Variants in ATRX observed in about 807,000 individuals in gnomAD.
ATRX encodes the protein ATRX chromatin remodeler, also known as chromatin remodeler ATRX.
A neutral mutation model predicts 172.6 loss-of-function variants in ATRX; 12 were observed. That is an observed-to-expected ratio of 0.07 (90% CI 0.04 to 0.11). The LOEUF is 0.11. Among genes scored for constraint, ATRX ranks in the 10% least tolerant of loss-of-function variants. ATRX has a pLI of 1.00. For synonymous variants in ATRX, 674 were observed against 594.7 expected (o/e 1.13, Z -1.94); for missense variants, 1,368 against 1,767.4 (o/e 0.77, Z 4.05).
chrX:77,508,650 T>C (rs2062765194), intron 34 of ATRX, 21 bp from the exon 35 acceptor site: 1 of 1,208,901 alleles, frequency 8.3e-7, no homozygotes, highest in Non-Finnish European at 1.1e-6. Context: ...AAAATGGGAG[T>C]CATTACAAGT....
chrX:77,705,545 G>T (rs1019449997), intron 2 of ATRX, among the ~76,000 whole-genome samples: 1 of 112,266 alleles, frequency 8.9e-6, no homozygotes, highest in African/African-American at 3.2e-5. Flanking sequence ...CAGAATCCCA[G>T]CTGACTTCTT....
intron 19 of ATRX, among the ~76,000 whole-genome samples, chrX:77,626,342 C>T (rs2148303277): frequency 9.3e-6 from 1 of 107,871 alleles, no homozygotes; most frequent in South Asian, 4.2e-4. Flanking sequence ...GCATATACTG[C>T]TCGGGTGATG....
intron 2 of ATRX, among the ~76,000 whole-genome samples, chrX:77,703,638 C>A (rs782109703): frequency 8.9e-6 from 1 of 112,418 alleles, no homozygotes; most frequent in African/African-American, 3.2e-5. Context: ...TCTTCACCTG[C>A]AACAAGGTGA....
At chrX:77,705,634 G>C (rs2072774224) in intron 2 of ATRX, among the ~76,000 whole-genome samples, 1 of 112,406 alleles carries the variant, frequency 8.9e-6, no homozygotes, top group Admixed American at 9.4e-5. Flanking sequence ...AGCACTTTGG[G>C]AGGCCAAGGT....
chrX:77,518,846 T>C (rs2063137232), intron 34 of ATRX, among the ~76,000 whole-genome samples: 1 of 110,956 alleles, frequency 9.0e-6, no homozygotes, highest in East Asian at 2.8e-4. Context: ...CAGAAACAAA[T>C]CCACACACCA....
chrX:77,734,935 A>T (rs988811114), intron 1 of ATRX, among the ~76,000 whole-genome samples: 1 of 107,663 alleles, frequency 9.3e-6, no homozygotes, highest in African/African-American at 3.4e-5. Flanking sequence ...ACATGGTGAA[A>T]CCCCATCTCT....
intron 1 of ATRX, among the ~76,000 whole-genome samples, chrX:77,755,095 A>G (rs1019950660): frequency 9.8e-5 from 11 of 112,198 alleles, no homozygotes; most frequent in African/African-American, 3.6e-4. Context: ...CATCTTCAAT[A>G]TCTGATATCC....
rs2148568770 is a variant in ATRX at position 77,681,642 on chromosome X, G to A, written c.3614C>T (p.Ser1205Phe). ...CTGATCATCATCTTCTATATCAGAA[G>A]AAGATGAGGATGTAATGTCAGCTTG... ...RKQADITSSS[S>F]SDIEDDDQNS... Residue 1205 changes from serine (S) to phenylalanine (F), a missense_variant, in exon 9 of 35, where the codon TCT (serine) becomes TTT (phenylalanine). Ser to Phe is a radical substitution (Grantham distance 155, BLOSUM62 -2). This residue lies in a region of ATRX where 843 missense variants were observed against 643.1 expected (regional missense o/e 1.31). Coordinates refer to ENST00000373344, the MANE Select transcript of ATRX (RefSeq NM_000489.6). 1.7e-6 allele frequency: 2 copies of A among 1,207,944 alleles called. No individual in the cohort carries two copies. The highest frequency in any genetic ancestry group is 2.2e-6 in the Non-Finnish European group (2 of 894,242).
At chrX:77,559,618 G>C (rs2147955781) in intron 28 of ATRX, among the ~76,000 whole-genome samples, 1 of 108,063 alleles carries the variant, frequency 9.3e-6, no homozygotes, top group South Asian at 4.1e-4. Flanking sequence ...CACCATGCCT[G>C]GTTAATTTTT....
intron 28 of ATRX, among the ~76,000 whole-genome samples, chrX:77,562,050 G>C (rs782474240): frequency 3.9e-4 from 44 of 111,734 alleles, no homozygotes; most frequent in Non-Finnish European, 7.9e-4. Context: ...CCTAAACCCT[G>C]TCAACTACAG....
At chrX:77,753,693 T>G (rs1382701043) in intron 1 of ATRX, among the ~76,000 whole-genome samples, 4 of 112,085 alleles carry the variant, frequency 3.6e-5, no homozygotes, top group Non-Finnish European at 7.5e-5. Context: ...AAAGAACTTC[T>G]TTATTTCTGC....
At chrX:77,513,185 C>T (rs782387027) in intron 34 of ATRX, among the ~76,000 whole-genome samples, 32 of 108,170 alleles carry the variant, frequency 3.0e-4, no homozygotes, top group Non-Finnish European at 5.6e-4. Flanking sequence ...GGCGTGGTGG[C>T]GGGCACCTGT....
intron 19 of ATRX, among the ~76,000 whole-genome samples, chrX:77,629,302 T>A (rs1244156280): frequency 2.7e-5 from 3 of 112,582 alleles, no homozygotes; most frequent in African/African-American, 9.7e-5. Context: ...ATGGAAAACA[T>A]GTACTGGAAA....
At chrX:77,785,369 C>A (rs1415839280) in intron 1 of ATRX, among the ~76,000 whole-genome samples, 1 of 110,101 alleles carries the variant, frequency 9.1e-6, no homozygotes, top group Non-Finnish European at 1.9e-5. Flanking sequence ...TAGAAATAAA[C>A]CCAAGGATAT....
chrX:77,518,728 G>T (rs2063133086), intron 34 of ATRX, among the ~76,000 whole-genome samples: 2 of 111,449 alleles, frequency 1.8e-5, no homozygotes, highest in Non-Finnish European at 3.8e-5. Context: ...AAAACTGGAG[G>T]AATCACATTA....
chrX:77,523,147 C>T, intron 31 of ATRX, 105 bp downstream of exon 31: 1 of 1,047,397 alleles, frequency 9.5e-7, no homozygotes, highest in South Asian at 1.9e-5. Flanking sequence ...GTTCCTAAAA[C>T]CCACTATATT....
At chrX:77,518,104 TG>T (rs1443906543) in intron 34 of ATRX, among the ~76,000 whole-genome samples, 1 of 112,039 alleles carries the variant, frequency 8.9e-6, no homozygotes, top group Non-Finnish European at 1.9e-5. Context: ...TTCTAAAAAT[TG>T]GAACACAACA....
At position 77,612,219 on chromosome X, in the gene ATRX, G is replaced by T. The variant is rs781870226; in HGVS notation, c.5566+4394C>A. 2.7e-5 allele frequency among the ~76,000 whole-genome samples: 3 copies of T among 111,065 alleles called. No individual in the cohort carries two copies. The East Asian group carries it at 8.5e-4, about 31-fold the overall frequency. On this transcript the variant is annotated intron_variant, in intron 22 of 34. Transcript: ENST00000373344. ...GGGCTCATAAAACTGTAGATGCATC[G>T]GCCCTACTCCAGACCTTTTGAATCA...
chrX:77,771,023 A>C (rs1483500296), intron 1 of ATRX, among the ~76,000 whole-genome samples: 4 of 112,070 alleles, frequency 3.6e-5, no homozygotes, highest in Non-Finnish European at 7.5e-5. Flanking sequence ...ACAGACTTTA[A>C]AAGTATTTGT....
Sources: allele counts gnomAD v4.1 joint callset (sites outside exome capture counted in the v4.1 genomes callset), GRCh38; gene constraint gnomAD v4.1.1; regional missense constraint gnomAD v4.1.1; transcripts MANE v1.5; gene names NCBI Gene and HGNC (gene_info 2026-07-23, HGNC 2026-07-21).